The following TENM2 variants were observed in gnomAD, a reference collection of about 807,000 sequenced individuals.
TENM2 encodes teneurin transmembrane protein 2, also known as teneurin-2.
TENM2 carries 52 observed loss-of-function variants against 245.2 expected under a neutral mutation model. The ratio of observed to expected loss-of-function variants is 0.21; its 90% confidence interval spans 0.17 to 0.27. TENM2 has a LOEUF of 0.27. TENM2 is among the 10% of genes least tolerant of loss of function. The probability of loss-of-function intolerance (pLI) is 1.00; values close to 1 mark genes in which losing one functional copy is unlikely to be tolerated. For synonymous variants in TENM2, 1,363 were observed against 1,438.9 expected, an observed-to-expected ratio of 0.95 and a Z score of 1.19; for missense variants, 3,046 against 3,666.8, an observed-to-expected ratio of 0.83 and a Z score of 4.37.
chr5:168,009,311 A>T (rs948569907), intron 5 of TENM2, among the ~76,000 whole-genome samples: 1 of 152,204 alleles, frequency 6.6e-6, no homozygotes, highest in Non-Finnish European at 1.5e-5. Flanking sequence ...GGTTAGAGGC[A>T]GGTTTGAAAT....
intron 2 of TENM2, among the ~76,000 whole-genome samples, chr5:167,468,700 T>C (rs1766823095): frequency 6.6e-6 from 1 of 152,208 alleles, no homozygotes; most frequent in South Asian, 2.1e-4. Context: ...TACCAATATG[T>C]ACTTCTCTGA....
At chr5:167,044,310 C>T in the TENM2 span, among the ~76,000 whole-genome samples, 2 of 152,050 alleles carry the variant, frequency 1.3e-5, no homozygotes, top group African/African-American at 2.4e-5. Flanking sequence ...TATGATGGCT[C>T]CAGCATCTTG....
intron 2 of TENM2, among the ~76,000 whole-genome samples, chr5:167,851,879 TAG>T (rs1770614859): frequency 6.6e-6 from 1 of 152,242 alleles, no homozygotes; most frequent in African/African-American, 2.4e-5. Context: ...CTCAGACTGT[TAG>T]AGTTATATCA....
At chr5:167,659,272 TTTG>T in intron 2 of TENM2, among the ~76,000 whole-genome samples, 1 of 152,360 alleles carries the variant, frequency 6.6e-6, no homozygotes, top group African/African-American at 2.4e-5. Context: ...ATGATGCTTA[TTTG>T]TTGTTGTATT....
At chr5:167,035,969 C>A in the TENM2 span, among the ~76,000 whole-genome samples, 1 of 152,184 alleles carries the variant, frequency 6.6e-6, no homozygotes, top group Non-Finnish European at 1.5e-5. Flanking sequence ...TCTCAAACTC[C>A]TGACCTCAGG....
Position 168,098,079 on chromosome 5 carries a change from G to A in TENM2, c.1765G>A (p.Gly589Arg), listed in dbSNP as rs780087117. 30 of 1,613,670 alleles carry A rather than the reference G, an allele frequency of 1.9e-5. No homozygotes were observed. The highest frequency in any genetic ancestry group is 8.9e-5 in the East Asian group (4 of 44,862). Residue 589 changes from glycine (G) to arginine (R), a missense_variant, in exon 9 of 29, where the codon GGG becomes AGG. Gly to Arg is a moderately radical substitution (Grantham distance 125). Coordinates refer to ENST00000518659, the Ensembl canonical transcript of TENM2. ...CCATGGGAATGGTGAATGTGTGTCC[G>A]GGGTGTGTCACTGTTTCCCAGGATT...
intron 2 of TENM2, among the ~76,000 whole-genome samples, chr5:167,547,285 G>A (rs1274276072): frequency 6.6e-6 from 1 of 152,038 alleles, no homozygotes; most frequent in Non-Finnish European, 1.5e-5. Context: ...TGGCCAGGCT[G>A]GTCTCGAACA....
At chr5:167,752,125 C>T (rs972196422) in intron 2 of TENM2, among the ~76,000 whole-genome samples, 5 of 151,942 alleles carry the variant, frequency 3.3e-5, no homozygotes, top group African/African-American at 7.3e-5. Flanking sequence ...GATGGAGTCT[C>T]ACTCTGTCAC....
chr5:168,063,988 G>T (rs1790282171), intron 7 of TENM2, among the ~76,000 whole-genome samples: 1 of 146,162 alleles, frequency 6.8e-6, no homozygotes, highest in Non-Finnish European at 1.5e-5. Context: ...CATCCATCCA[G>T]AAAAAATATT....
At chr5:167,952,724 C>A in exon 4 of TENM2, 1 of 1,603,920 alleles carries the variant, frequency 6.2e-7, no homozygotes, top group Non-Finnish European at 8.5e-7. Context: ...GTCAGATCCA[C>A]GCCCCGGCCC....
intron 4 of TENM2, among the ~76,000 whole-genome samples, chr5:167,973,096 G>A (rs1448371291): frequency 6.6e-6 from 1 of 152,196 alleles, no homozygotes; most frequent in East Asian, 1.9e-4. Flanking sequence ...TTATAAGAAT[G>A]TCTAAAAAGA....
intron 2 of TENM2, among the ~76,000 whole-genome samples, chr5:167,863,458 T>C (rs951422427): frequency 7.0e-6 from 1 of 143,232 alleles, no homozygotes; most frequent in Non-Finnish European, 1.5e-5. Context: ...CTACTAAAAA[T>C]ACACACACAC....
At position 167,749,225 on chromosome 5, in the gene TENM2, G is replaced by A. The variant is rs17069129; in HGVS notation, c.503-126761G>A. Among the ~76,000 whole-genome samples, 10 of 152,084 alleles carry A rather than the reference G, an allele frequency of 6.6e-5. No homozygotes were observed. The East Asian group carries it at 1.9e-3, about 29-fold the overall frequency. On this transcript the variant is annotated intron_variant, in intron 2 of 28. Transcript: ENST00000518659. Reference sequence around the variant, plus strand: ...CTATACAAGGCATTATACTAAGAACGGATATGAACAGAGAGATTAAATAAG... The same window carrying A: ...CTATACAAGGCATTATACTAAGAACAGATATGAACAGAGAGATTAAATAAG...
chr5:167,774,919 G>A (rs914030451), intron 2 of TENM2, among the ~76,000 whole-genome samples: 1 of 152,282 alleles, frequency 6.6e-6, no homozygotes, highest in Admixed American at 6.5e-5. Flanking sequence ...TGCCCAATTT[G>A]CAAGTTGTCC....
intron 2 of TENM2, among the ~76,000 whole-genome samples, chr5:167,682,893 A>G (rs1295464585): frequency 6.6e-6 from 1 of 152,154 alleles, no homozygotes; most frequent in Non-Finnish European, 1.5e-5. Flanking sequence ...ACACAGAATA[A>G]TTATACTCAG....
chr5:167,357,799 A>G (rs1003067729), intron 1 of TENM2, among the ~76,000 whole-genome samples: 2 of 152,120 alleles, frequency 1.3e-5, no homozygotes, highest in African/African-American at 4.8e-5. Context: ...CGCCTGGTCT[A>G]TGCATTCTCT....
At chr5:167,688,625 G>A (rs1757229195) in intron 2 of TENM2, among the ~76,000 whole-genome samples, 1 of 152,174 alleles carries the variant, frequency 6.6e-6, no homozygotes, top group Admixed American at 6.5e-5. Context: ...CTAGAAAACT[G>A]AAAACCATGA....
chr5:167,511,421 A>G (rs1403056213), intron 2 of TENM2, among the ~76,000 whole-genome samples: 1 of 152,122 alleles, frequency 6.6e-6, no homozygotes, highest in Non-Finnish European at 1.5e-5. Flanking sequence ...GACAGAGCCA[A>G]CCTCATTCTA....
intron 2 of TENM2, among the ~76,000 whole-genome samples, chr5:167,541,798 T>G (rs144886587): frequency 6.6e-6 from 1 of 152,326 alleles, no homozygotes; most frequent in African/African-American, 2.4e-5. Flanking sequence ...ATTTTGAAAT[T>G]ATACTGATTT....
Sources: gnomAD v4.1 joint callset for allele counts (sites outside exome capture counted in the v4.1 genomes callset) on GRCh38, gnomAD v4.1.1 for gene constraint, MANE v1.5 for transcripts, NCBI Gene and HGNC (gene_info 2026-07-23, HGNC 2026-07-21) for gene names.